The following DLGAP1 variants were observed in gnomAD, a reference collection of about 807,000 sequenced individuals.
The protein encoded by DLGAP1 is disks large-associated protein 1.
Under a neutral mutation model 90.8 loss-of-function variants are expected in DLGAP1, and 11 were observed. The ratio of observed to expected loss-of-function variants is 0.12; its 90% confidence interval spans 0.08 to 0.20. The LOEUF is 0.20. DLGAP1 is among the 10% of genes least tolerant of loss of function. The probability of loss-of-function intolerance (pLI) is 1.00; values close to 1 mark genes in which losing one functional copy is unlikely to be tolerated. For missense variants in DLGAP1, 1,050 were observed against 1,333.8 expected, an observed-to-expected ratio of 0.79 and a Z score of 3.31; for synonymous variants, 558 against 540.7, an observed-to-expected ratio of 1.03 and a Z score of -0.44.
chr18:4,445,082 A>C (rs11081119), intron 1 of DLGAP1, among the ~76,000 whole-genome samples: 27,403 of 152,124 alleles, frequency 0.18, 2,858 homozygotes, highest in East Asian at 0.5. Context: ...AAATGTTATC[A>C]TTTCATAAAT....
chr18:4,305,909 A>AT, intron 1 of DLGAP1, among the ~76,000 whole-genome samples: 1 of 39,912 alleles, frequency 2.5e-5, no homozygotes, highest in African/African-American at 3.3e-5. Context: ...CATGATTATT[A>AT]TTTTTTTTTT....
At position 3,772,212 on chromosome 18, in the gene DLGAP1, C is replaced by CTT. The variant is rs1465786291; in HGVS notation, c.1173-29702_1173-29701dup. On this transcript the variant is annotated intron_variant, in intron 5 of 12. Coordinates refer to ENST00000315677, the MANE Select transcript of DLGAP1 (RefSeq NM_004746.4). The stretch of plus-strand genomic sequence containing the variant: ...TTCCTTTCTCTTCTTCTCTCCTTTT[C>CTT]TTTCTCTCTTTCTTTTCTTTCTCTC... 4.9e-5 allele frequency among the ~76,000 whole-genome samples: 7 copies of CTT among 141,920 alleles called. No individual in the cohort carries two copies. In the South Asian group the frequency reaches 8.9e-4, roughly 18 times the overall value. The allele number at this position is 141,920 out of a possible 152,430, so 93.1% of individuals were successfully genotyped here.
chr18:3,915,432 C>A (rs1033919626), intron 3 of DLGAP1, among the ~76,000 whole-genome samples: 3 of 152,112 alleles, frequency 2.0e-5, no homozygotes. Flanking sequence ...TGCAGTGCAG[C>A]TCATGGAAGG....
chr18:4,317,699 GA>G, intron 1 of DLGAP1, among the ~76,000 whole-genome samples: 1 of 152,340 alleles, frequency 6.6e-6, no homozygotes, highest in Non-Finnish European at 1.5e-5. Context: ...CTCAAGTGCA[GA>G]TACAGGATGG....
At chr18:3,779,990 G>A (rs919187248) in intron 5 of DLGAP1, among the ~76,000 whole-genome samples, 19 of 152,064 alleles carry the variant, frequency 1.2e-4, no homozygotes, top group Middle Eastern at 6.8e-3. Context: ...TTCACTATAT[G>A]TTGGCCAGGC....
At chr18:4,014,513 A>G (rs1458238935) in intron 2 of DLGAP1, among the ~76,000 whole-genome samples, 1 of 152,168 alleles carries the variant, frequency 6.6e-6, no homozygotes, top group African/African-American at 2.4e-5. Context: ...GTTAACAAAA[A>G]TTTATTGTAC....
intron 2 of DLGAP1, among the ~76,000 whole-genome samples, chr18:4,074,191 TCTA>T (rs2075491609): frequency 6.6e-6 from 1 of 152,158 alleles, no homozygotes; most frequent in African/African-American, 2.4e-5. Context: ...TAGACTTAGT[TCTA>T]CTAACTACCT....
chr18:3,768,929 A>G (rs1405942167), intron 5 of DLGAP1, among the ~76,000 whole-genome samples: 2 of 152,210 alleles, frequency 1.3e-5, no homozygotes, highest in African/African-American at 2.4e-5. Context: ...ATTGGATTTA[A>G]TCAGAATTAA....
At chr18:4,087,076 T>C (rs1452815125) in intron 2 of DLGAP1, among the ~76,000 whole-genome samples, 4 of 85,698 alleles carry the variant, frequency 4.7e-5, no homozygotes, top group Admixed American at 3.0e-4. Context: ...CACTTATATA[T>C]ACATATATGT....
chr18:3,788,738 C>G (rs1009579928), intron 5 of DLGAP1, among the ~76,000 whole-genome samples: 5 of 151,896 alleles, frequency 3.3e-5, no homozygotes, highest in Admixed American at 2.0e-4. Context: ...ATAATGTAGC[C>G]ATTATAAAGG....
At chr18:3,734,385 T>C (rs1275168909) in intron 6 of DLGAP1, among the ~76,000 whole-genome samples, 4 of 152,206 alleles carry the variant, frequency 2.6e-5, no homozygotes, top group Admixed American at 6.5e-5. Context: ...CCTGAGTAGC[T>C]GGAACAACAG....
chr18:3,856,824 G>GCA (rs974216115), intron 4 of DLGAP1, among the ~76,000 whole-genome samples: 3 of 151,582 alleles, frequency 2.0e-5, no homozygotes, highest in Non-Finnish European at 1.5e-5. Flanking sequence ...TTCCGCCACC[G>GCA]CACTCCAGCC....
chr18:4,171,511 G>C (rs1273707107), intron 1 of DLGAP1, among the ~76,000 whole-genome samples: 4 of 151,160 alleles, frequency 2.6e-5, no homozygotes, highest in Non-Finnish European at 5.9e-5. Context: ...CTTGCAGTGA[G>C]CCGAGATCGC....
At chr18:4,358,150 G>A (rs1462185042) in intron 1 of DLGAP1, among the ~76,000 whole-genome samples, 2 of 152,244 alleles carry the variant, frequency 1.3e-5, no homozygotes, top group South Asian at 2.1e-4. Flanking sequence ...GCCAATAATC[G>A]TGATTCCATG....
chr18:3,635,308 TTGTA>T (rs1430795807), intron 7 of DLGAP1, among the ~76,000 whole-genome samples: 1 of 151,392 alleles, frequency 6.6e-6, no homozygotes, highest in Non-Finnish European at 1.5e-5. Flanking sequence ...TTTTTTTGTA[TTGTA>T]TTTTTAGTAG....
intron 3 of DLGAP1, among the ~76,000 whole-genome samples, chr18:3,970,658 T>C (rs1327293590): frequency 6.6e-6 from 1 of 152,140 alleles, no homozygotes; most frequent in Non-Finnish European, 1.5e-5. Flanking sequence ...AAAATAGTAA[T>C]ACAGTTTCAC....
chr18:3,676,148 C>A (rs1256956943), intron 7 of DLGAP1, among the ~76,000 whole-genome samples: 2 of 152,188 alleles, frequency 1.3e-5, no homozygotes, highest in Admixed American at 6.5e-5. Context: ...AATGGCAGTC[C>A]CATCTTTCCT....
intron 2 of DLGAP1, among the ~76,000 whole-genome samples, chr18:4,035,304 G>A (rs2074870359): frequency 6.6e-6 from 1 of 152,100 alleles, no homozygotes; most frequent in Non-Finnish European, 1.5e-5. Context: ...CTATGATGGT[G>A]CCACTGCACT....
At chr18:3,792,105 C>A (rs904735202) in intron 5 of DLGAP1, among the ~76,000 whole-genome samples, 1 of 152,192 alleles carries the variant, frequency 6.6e-6, no homozygotes, top group Non-Finnish European at 1.5e-5. Context: ...TATGCCCCAG[C>A]CCTGTAACCA....
Sources: gnomAD v4.1 joint callset for allele counts (sites outside exome capture counted in the v4.1 genomes callset) on GRCh38, gnomAD v4.1.1 for gene constraint, MANE v1.5 for transcripts, NCBI Gene and HGNC (gene_info 2026-07-23, HGNC 2026-07-21) for gene names.